The following POLA1 variants were observed in gnomAD, a reference collection of about 807,000 sequenced individuals.
POLA1 encodes DNA polymerase alpha 1, catalytic subunit, also known as DNA polymerase alpha catalytic subunit.
A neutral mutation model predicts 124.0 loss-of-function variants in POLA1; 15 were observed. The observed-to-expected ratio is 0.12, with a 90% confidence interval of 0.08 to 0.19. POLA1 has a LOEUF of 0.19. POLA1 is among the 10% of genes least tolerant of loss of function. The pLI, the probability that POLA1 is intolerant of heterozygous loss-of-function variation, is 1.00. For missense variants in POLA1, 886 were observed against 1,103.4 expected (o/e 0.80, Z 2.79); for synonymous variants, 408 against 389.4 (o/e 1.05, Z -0.56).
chrX:24,860,347 G>A (rs1254703351), intron 34 of POLA1, among the ~76,000 whole-genome samples: 6 of 112,550 alleles, frequency 5.3e-5, no homozygotes, highest in Non-Finnish European at 1.1e-4. Flanking sequence ...TCCTTTTGGA[G>A]AGCTGTTATA....
chrX:24,754,496 C>T (rs780895715), intron 26 of POLA1, among the ~76,000 whole-genome samples: 4 of 111,281 alleles, frequency 3.6e-5, no homozygotes, highest in Non-Finnish European at 7.5e-5. Flanking sequence ...TCAGGTGATC[C>T]GCCCACTTCG....
At chrX:24,790,012 A>G (rs1291595628) in intron 26 of POLA1, among the ~76,000 whole-genome samples, 1 of 112,446 alleles carries the variant, frequency 8.9e-6, no homozygotes, top group Non-Finnish European at 1.9e-5. Flanking sequence ...CAGAAAAGCA[A>G]CATAATTCAG....
chrX:24,912,179 A>G (rs1225973737), intron 35 of POLA1, among the ~76,000 whole-genome samples: 1 of 112,592 alleles, frequency 8.9e-6, no homozygotes, highest in African/African-American at 3.2e-5. Context: ...GCAGAGAAAA[A>G]TGAACCTTGA....
At chrX:24,910,311 C>T (rs1211803481) in intron 35 of POLA1, among the ~76,000 whole-genome samples, 11 of 108,662 alleles carry the variant, frequency 1.0e-4, no homozygotes, top group Admixed American at 9.9e-4. Flanking sequence ...GCATCCCTGT[C>T]TTGTGCCAGT....
chrX:24,940,069 C>T (rs895899131), intron 36 of POLA1, among the ~76,000 whole-genome samples: 1 of 111,510 alleles, frequency 9.0e-6, no homozygotes, highest in Non-Finnish European at 1.9e-5. Context: ...TATGAGCAAA[C>T]GTATCAAGAG....
intron 36 of POLA1, among the ~76,000 whole-genome samples, chrX:24,970,944 T>G (rs1385394015): frequency 9.8e-5 from 11 of 112,447 alleles, no homozygotes; most frequent in Admixed American, 1.9e-4. Flanking sequence ...CGAGGATACC[T>G]TCTAATTTGA....
At chrX:24,968,008 AT>A (rs1173941478) in intron 36 of POLA1, among the ~76,000 whole-genome samples, 1 of 111,403 alleles carries the variant, frequency 9.0e-6, no homozygotes, top group Non-Finnish European at 1.9e-5. Context: ...TTTTCCTGTT[AT>A]TTAGTTCCTT....
At position 24,888,086 on chromosome X, in the gene POLA1, T is replaced by G; in HGVS notation, c.4128T>G (p.Leu1376=). 1.7e-6 allele frequency: 2 copies of G among 1,195,639 alleles called. No individual in the cohort carries two copies. Among genetic ancestry groups the G allele is most frequent in the Non-Finnish European group, 2.3e-6 (2 of 881,237 alleles). Residue 1376 remains leucine (L), a synonymous_variant, in exon 35 of 37, where the codon CTT becomes CTG. Transcript: ENST00000379068. ...LPLQFSRTGP[L]CPACMKATLQ... ...TTCAATTCTCCCGAACTGGGCCTCT[T>G]TGCCCAGCCTGCATGAAAGCTACAC...
At chrX:24,909,177 C>T (rs781680007) in intron 35 of POLA1, among the ~76,000 whole-genome samples, 51 of 111,785 alleles carry the variant, frequency 4.6e-4, no homozygotes, top group Non-Finnish European at 8.5e-4. Context: ...TTCTCCCATT[C>T]TGTAGGTGGC....
intron 34 of POLA1, among the ~76,000 whole-genome samples, chrX:24,871,353 A>G (rs1362571064): frequency 2.7e-5 from 3 of 111,744 alleles, no homozygotes; most frequent in Non-Finnish European, 5.6e-5. Flanking sequence ...CAAGTTCCCA[A>G]ATGATGCTGA....
chrX:24,937,454 T>C (rs957804445), intron 36 of POLA1, among the ~76,000 whole-genome samples: 6 of 111,786 alleles, frequency 5.4e-5, no homozygotes, highest in Non-Finnish European at 9.4e-5. Flanking sequence ...CATGTACTGC[T>C]CTCATAACAT....
Position 24,996,017 on chromosome X carries a change from T to C in POLA1, c.*67T>C. On this transcript the variant is annotated 3_prime_UTR_variant, in exon 37 of 37. Coordinates refer to ENST00000379068, the MANE Select transcript of POLA1 (RefSeq NM_001330360.2). ...CCCAGCTTCCTCTGTGCCTCCACTC[T>C]GGCCCTAAATGCTCCTCCAGCATCT... is the stretch of plus-strand genomic sequence containing the variant. 1 of 949,840 alleles carries C rather than the reference T, an allele frequency of 1.1e-6. No individual in the cohort carries two copies. Among genetic ancestry groups the C allele is most frequent in the South Asian group, 2.3e-5 (1 of 44,060 alleles). The allele number at this position is 949,840 out of a possible 1,213,427, so 78.3% of individuals were successfully genotyped here. A position where few individuals can be genotyped will look rare whatever the true frequency, so the allele number is the denominator to read the frequency against.
chrX:24,834,381 A>G (rs2046313568), intron 32 of POLA1, among the ~76,000 whole-genome samples: 1 of 112,112 alleles, frequency 8.9e-6, no homozygotes, highest in African/African-American at 3.2e-5. Context: ...TTCCATTTAT[A>G]TTATGAAGAG....
chrX:24,743,727 A>G (rs1192062254), intron 23 of POLA1, among the ~76,000 whole-genome samples: 1 of 111,829 alleles, frequency 8.9e-6, no homozygotes, highest in Non-Finnish European at 1.9e-5. Flanking sequence ...TGTCCAGTAC[A>G]TAGATAGCTG....
chrX:24,703,077 T>G (rs1928565690), intron 2 of POLA1, among the ~76,000 whole-genome samples, 174 bp from the exon 3 acceptor site: 1 of 112,512 alleles, frequency 8.9e-6, no homozygotes, highest in Non-Finnish European at 1.9e-5. Flanking sequence ...AGTTAATTGA[T>G]GTCTATTTAA....
rs759245023 is a variant in POLA1, at chrX:24,815,921, G to T, written c.3429+810G>T. ...ATTTTTATATTGCAGCAATTACAGT[G>T]TTATTTAGAAATATATTTTCATTTA... On this transcript the variant is annotated intron_variant, in intron 30 of 36. Transcript: ENST00000379068. Among the ~76,000 whole-genome samples, 3 of 111,614 alleles carry T rather than the reference G, an allele frequency of 2.7e-5. No homozygotes were observed. The East Asian group carries it at 8.4e-4, about 31-fold the overall frequency.
intron 36 of POLA1, among the ~76,000 whole-genome samples, chrX:24,935,709 A>G (rs948480514): frequency 9.0e-6 from 1 of 111,499 alleles, no homozygotes; most frequent in African/African-American, 3.3e-5. Flanking sequence ...GCCTGGTGGT[A>G]ACATCTGTAG....
chrX:24,929,719 G>A (rs2047746706), intron 35 of POLA1, among the ~76,000 whole-genome samples: 1 of 112,366 alleles, frequency 8.9e-6, no homozygotes, highest in African/African-American at 3.2e-5. Flanking sequence ...CACAGAGTGA[G>A]ACACAGTTGC....
At chrX:24,744,095 C>A (rs1364744709) in intron 23 of POLA1, among the ~76,000 whole-genome samples, 1 of 111,834 alleles carries the variant, frequency 8.9e-6, no homozygotes, top group Non-Finnish European at 1.9e-5. Flanking sequence ...TTCAACCCTT[C>A]CCAAGTGTAC....
Sources: gnomAD v4.1 joint callset for allele counts (sites outside exome capture counted in the v4.1 genomes callset) on GRCh38, gnomAD v4.1.1 for gene constraint, MANE v1.5 for transcripts, NCBI Gene and HGNC (gene_info 2026-07-23, HGNC 2026-07-21) for gene names.